Variants in CLNK observed in about 807,000 individuals in gnomAD.
CLNK encodes cytokine-dependent hematopoietic cell linker.
Under a neutral mutation model 68.6 loss-of-function variants are expected in CLNK, and 74 were observed. The ratio of observed to expected loss-of-function variants is 1.08; its 90% CI spans 0.89 to 1.31. The LOEUF is 1.31. Ranked by LOEUF, CLNK falls within the 50% of genes most tolerant of loss-of-function variation. The probability of loss-of-function intolerance (pLI) is 0.00; values close to 1 mark genes in which losing one functional copy is unlikely to be tolerated. For synonymous variants in CLNK, 198 were observed against 172.2 expected (o/e 1.15, Z -1.17); for missense variants, 553 against 515.3 (o/e 1.07, Z -0.71).
At chr4:10,672,356 G>C (rs1401273139) in intron 1 of CLNK, among the ~76,000 whole-genome samples, 1 of 152,118 alleles carries the variant, frequency 6.6e-6, no homozygotes, top group Non-Finnish European at 1.5e-5. Context: ...TATGCTTTGG[G>C]ACAACTGTTT....
At chr4:10,677,837 C>CAATAATAATAAT (rs68067128) in intron 1 of CLNK, among the ~76,000 whole-genome samples, 6,596 of 149,084 alleles carry the variant, frequency 0.044, 209 homozygotes, top group African/African-American at 0.091. Context: ...ATAAAAATAG[C>CAATAATAATAAT]AATAATAATA....
chr4:10,495,456 G>T (rs1716764371), intron 18 of CLNK, among the ~76,000 whole-genome samples: 1 of 152,192 alleles, frequency 6.6e-6, no homozygotes, highest in African/African-American at 2.4e-5. Flanking sequence ...GACTTGACAT[G>T]ACTCTTTCTG....
chr4:10,608,144 A>G (rs1165071068), intron 2 of CLNK, among the ~76,000 whole-genome samples: 1 of 152,166 alleles, frequency 6.6e-6, no homozygotes, highest in Non-Finnish European at 1.5e-5. Flanking sequence ...CCCCTGCAAG[A>G]ATTCCTCCAT....
At chr4:10,529,662 C>T (rs1477200965) in intron 12 of CLNK, among the ~76,000 whole-genome samples, 1 of 152,086 alleles carries the variant, frequency 6.6e-6, no homozygotes, top group South Asian at 2.1e-4. Flanking sequence ...TTGAAAGTAT[C>T]CCTACTGAGT....
chr4:10,497,299 G>A (rs1011169997), intron 18 of CLNK, among the ~76,000 whole-genome samples: 2 of 152,018 alleles, frequency 1.3e-5, no homozygotes, highest in Non-Finnish European at 2.9e-5. Flanking sequence ...TTCTGCCTTG[G>A]ATTTCTTTCT....
At chr4:10,518,886 T>C (rs768815888) in intron 15 of CLNK, among the ~76,000 whole-genome samples, 26 of 152,212 alleles carry the variant, frequency 1.7e-4, no homozygotes, top group Non-Finnish European at 3.5e-4. Context: ...GCGTGTTGTT[T>C]TCTGCCTACT....
the CLNK span, among the ~76,000 whole-genome samples, chr4:10,719,955 A>G: frequency 6.6e-6 from 1 of 152,140 alleles, no homozygotes; most frequent in Non-Finnish European, 1.5e-5. Flanking sequence ...TAAATAACCC[A>G]TGGGTCAAAG....
chr4:10,609,834 G>A lies in CLNK; in HGVS notation c.12-11785C>T, dbSNP rs577984347. Among the ~76,000 whole-genome samples the A allele has an allele frequency of 5.9e-5, 9 of 152,070 alleles. No individual in the cohort carries two copies. The South Asian group carries it at 1.9e-3, about 32-fold the overall frequency. On this transcript the variant is annotated intron_variant, in intron 2 of 18. Transcript: ENST00000226951. ...AAATATATATCATCTGCTTGAACCT[G>A]CTAATTTTACAAATGAGGAAAATGA...
intron 2 of CLNK, among the ~76,000 whole-genome samples, chr4:10,663,933 T>C (rs1433385373): frequency 6.6e-6 from 1 of 152,146 alleles, no homozygotes; most frequent in African/African-American, 2.4e-5. Context: ...CAGACGGCTG[T>C]CTATGAATCA....
At chr4:10,679,140 A>C (rs79912874) in intron 1 of CLNK, among the ~76,000 whole-genome samples, 2 of 152,196 alleles carry the variant, frequency 1.3e-5, no homozygotes, top group African/African-American at 4.8e-5. Context: ...AGCAACCAAA[A>C]CAGCATGGTA....
intron 8 of CLNK, among the ~76,000 whole-genome samples, chr4:10,551,354 C>T (rs940964725): frequency 6.6e-6 from 1 of 152,118 alleles, no homozygotes; most frequent in African/African-American, 2.4e-5. Flanking sequence ...CAGCGATTTT[C>T]CTGCCTCAGT....
At chr4:10,674,698 T>A (rs543621903) in intron 1 of CLNK, among the ~76,000 whole-genome samples, 1 of 152,262 alleles carries the variant, frequency 6.6e-6, no homozygotes, top group Admixed American at 6.5e-5. Context: ...GCCTCAACCA[T>A]CTATTTGGAC....
chr4:10,634,068 C>T (rs974926409), intron 2 of CLNK, among the ~76,000 whole-genome samples: 5 of 152,178 alleles, frequency 3.3e-5, no homozygotes, highest in African/African-American at 1.2e-4. Context: ...TGGGCTCACC[C>T]TGAGCCATTC....
intron 12 of CLNK, among the ~76,000 whole-genome samples, chr4:10,528,398 C>T (rs1224482670): frequency 6.6e-6 from 1 of 152,196 alleles, no homozygotes; most frequent in East Asian, 1.9e-4. Flanking sequence ...TACTCTTATT[C>T]TTATCTCAAT....
chr4:10,546,553 T>C (rs1186351354), intron 8 of CLNK, among the ~76,000 whole-genome samples: 1 of 152,208 alleles, frequency 6.6e-6, no homozygotes, highest in Non-Finnish European at 1.5e-5. Context: ...CAACCACCTA[T>C]CTAATCACTA....
At chr4:10,553,379 T>A (rs1348080617) in intron 8 of CLNK, among the ~76,000 whole-genome samples, 1 of 152,144 alleles carries the variant, frequency 6.6e-6, no homozygotes, top group Non-Finnish European at 1.5e-5. Context: ...AGTAAAAAGA[T>A]CTGTTTATTT....
At chr4:10,665,094 C>G (rs575912143) in intron 2 of CLNK, among the ~76,000 whole-genome samples, 10 of 152,268 alleles carry the variant, frequency 6.6e-5, no homozygotes, top group African/African-American at 2.4e-4. Flanking sequence ...GTCAGATAGT[C>G]AAGTGTGAAG....
intron 2 of CLNK, among the ~76,000 whole-genome samples, chr4:10,639,137 C>A (rs555356164): frequency 6.6e-6 from 1 of 152,128 alleles, no homozygotes; most frequent in East Asian, 1.9e-4. Context: ...CTTTACCTGG[C>A]GAGTTAGAGA....
At chr4:10,554,998 C>T (rs1182845626) in intron 8 of CLNK, among the ~76,000 whole-genome samples, 1 of 152,206 alleles carries the variant, frequency 6.6e-6, no homozygotes, top group Non-Finnish European at 1.5e-5. Flanking sequence ...TGCTGATGGC[C>T]TTGAGCAAGC....
Sources: gnomAD v4.1 joint callset for allele counts (sites outside exome capture counted in the v4.1 genomes callset) on GRCh38, gnomAD v4.1.1 for gene constraint, MANE v1.5 for transcripts, NCBI Gene and HGNC (gene_info 2026-07-23, HGNC 2026-07-21) for gene names.